KAT6B: variants seen among roughly 807,000 people sequenced by gnomAD.
KAT6B encodes lysine acetyltransferase 6B.
In KAT6B, 10 loss-of-function variants were observed where a neutral mutation model predicts 187.5. That is an observed-to-expected ratio of 0.05 (90% CI 0.03 to 0.09). KAT6B has a LOEUF of 0.09. KAT6B is among the 10% of genes least tolerant of loss of function. KAT6B has a pLI of 1.00. For missense variants in KAT6B, 1,952 were observed against 2,558.9 expected (o/e 0.76, Z 5.12); for synonymous variants, 861 against 926.8 (o/e 0.93, Z 1.29).
chr10:74,877,129 C>G lies in KAT6B; in HGVS notation c.621+33651C>G, dbSNP rs550252356. ...TACAGGCATGCGCCACCACGCCTGG[C>G]TAATTTTTGTATTTTTAGTGGAGAC... On this transcript the variant is annotated intron_variant, in intron 3 of 17. Transcript: ENST00000287239. 2.2e-4 allele frequency among the ~76,000 whole-genome samples: 33 copies of G among 152,032 alleles called. No homozygotes were observed. In the East Asian group the frequency reaches 4.3e-3, roughly 20 times the overall value.
chr10:74,922,748 A>G (rs1375568809), intron 3 of KAT6B, among the ~76,000 whole-genome samples: 1 of 152,230 alleles, frequency 6.6e-6, no homozygotes, highest in Non-Finnish European at 1.5e-5. Context: ...TAAAGGTATT[A>G]CAGGCCCCAT....
chr10:74,962,078 T>C (rs898697152), intron 4 of KAT6B, among the ~76,000 whole-genome samples: 3 of 152,204 alleles, frequency 2.0e-5, no homozygotes, highest in African/African-American at 7.2e-5. Context: ...GGCTCTAGTG[T>C]TGAAGTTCAC....
Position 74,944,808 on chromosome 10 carries a change from C to CAAAAAAAA in KAT6B, c.622-15144_622-15137dup, listed in dbSNP as rs58164194. Among the ~76,000 whole-genome samples the CAAAAAAAA allele has an allele frequency of 7.3e-4, 24 of 32,900 alleles. 1 individual carries two copies. Among genetic ancestry groups the CAAAAAAAA allele is most frequent in the Admixed American group, 3.4e-3 (9 of 2,628 alleles). The allele number at this position is 32,900 out of a possible 152,430, so 21.6% of individuals were successfully genotyped here. A position where few individuals can be genotyped will look rare whatever the true frequency, so the allele number is the denominator to read the frequency against. On this transcript the variant is annotated intron_variant, in intron 3 of 17. Transcript: ENST00000287239. ...CGGGCGACAGAGCGAGACTCCGTCT[C>CAAAAAAAA]AAAAAAAAAAAAAAAAAAAAAAAAA...
intron 1 of KAT6B, among the ~76,000 whole-genome samples, chr10:74,830,827 A>G (rs1174190185): frequency 1.0e-5 from 1 of 98,784 alleles, no homozygotes; most frequent in Non-Finnish European, 1.9e-5. Flanking sequence ...TGCTTTTGTC[A>G]CCCAGGCTGG....
chr10:75,018,884 C>T (rs769955203), intron 13 of KAT6B, among the ~76,000 whole-genome samples: 1 of 152,110 alleles, frequency 6.6e-6, no homozygotes, highest in African/African-American at 2.4e-5. Flanking sequence ...TCTCACCCCC[C>T]CAGGAGTACA....
At chr10:74,986,794 G>C (rs891028134) in intron 12 of KAT6B, among the ~76,000 whole-genome samples, 8 of 152,198 alleles carry the variant, frequency 5.3e-5, no homozygotes, top group Non-Finnish European at 1.0e-4. Context: ...AAGAATAGTG[G>C]TTGCGTCCTT....
intron 6 of KAT6B, among the ~76,000 whole-genome samples, chr10:74,970,380 C>G (rs2133662909): frequency 6.6e-6 from 1 of 152,084 alleles, no homozygotes; most frequent in Non-Finnish European, 1.5e-5. Flanking sequence ...AACCATTCCC[C>G]TATTAGAATA....
intron 6 of KAT6B, among the ~76,000 whole-genome samples, chr10:74,970,460 C>CACTCTTAACAA (rs1292087358): frequency 6.6e-6 from 1 of 151,986 alleles, no homozygotes; most frequent in Non-Finnish European, 1.5e-5. Flanking sequence ...AAGAGCTTAA[C>CACTCTTAACAA]AAATTTTATA....
intron 17 of KAT6B, 129 bp from the exon 18 acceptor site, chr10:75,028,360 C>T (rs1846030984): frequency 7.4e-7 from 1 of 1,349,840 alleles, no homozygotes; most frequent in East Asian, 2.3e-5. Flanking sequence ...ATGTCTTTAC[C>T]ATCAACTTTT....
rs531919011 is a variant in KAT6B at position 74,949,530 on chromosome 10, A to G, written c.622-10440A>G. Among the ~76,000 whole-genome samples the G allele has an allele frequency of 7.2e-5, 11 of 152,362 alleles. No individual in the cohort carries two copies. In the South Asian group the frequency reaches 2.3e-3, roughly 32 times the overall value. ...AGATTTGTTTCCTTCCAATAGAATC[A>G]CTTTCCTTAATCAGCACTTTTATAA... On this transcript the variant is annotated intron_variant, in intron 3 of 17. Transcript: ENST00000287239.
intron 2 of KAT6B, among the ~76,000 whole-genome samples, chr10:74,839,096 T>C (rs1004655176): frequency 6.7e-6 from 1 of 150,132 alleles, no homozygotes; most frequent in Non-Finnish European, 1.5e-5. Context: ...GAGATTGCAG[T>C]GAGCCGAGAT....
intron 3 of KAT6B, among the ~76,000 whole-genome samples, chr10:74,910,993 A>T (rs568897344): frequency 5.1e-4 from 77 of 152,308 alleles, no homozygotes; most frequent in Admixed American, 3.9e-3. Context: ...AATATATTTT[A>T]AAAAATGTAT....
chr10:75,023,198 A>G (rs574239592), intron 16 of KAT6B, among the ~76,000 whole-genome samples: 15 of 152,308 alleles, frequency 9.8e-5, no homozygotes, highest in South Asian at 2.1e-4. Flanking sequence ...TGTCTTCAGT[A>G]TCTATCTGGG....
intron 1 of KAT6B, among the ~76,000 whole-genome samples, chr10:74,837,443 A>G (rs1383135773): frequency 6.6e-6 from 1 of 152,218 alleles, no homozygotes; most frequent in African/African-American, 2.4e-5. Flanking sequence ...TATAGAAAAA[A>G]AATGAAAAGA....
chr10:74,989,861 T>A (rs1418593879), intron 13 of KAT6B, among the ~76,000 whole-genome samples: 1 of 152,096 alleles, frequency 6.6e-6, no homozygotes, highest in African/African-American at 2.4e-5. Flanking sequence ...GATAACATGA[T>A]GACCAGATAA....
At chr10:74,986,381 T>C (rs1842811163) in intron 12 of KAT6B, among the ~76,000 whole-genome samples, 1 of 152,250 alleles carries the variant, frequency 6.6e-6, no homozygotes, top group African/African-American at 2.4e-5. Context: ...TTATTTATGA[T>C]ATTTTTTTAT....
chr10:74,877,742 T>A (rs146465245), intron 3 of KAT6B, among the ~76,000 whole-genome samples: 21 of 152,332 alleles, frequency 1.4e-4, no homozygotes, highest in African/African-American at 5.1e-4. Flanking sequence ...AAATTCTTAT[T>A]GTCAAATAAA....
intron 4 of KAT6B, among the ~76,000 whole-genome samples, chr10:74,962,042 C>CT (rs1484997656): frequency 1.3e-5 from 2 of 152,136 alleles, no homozygotes. Context: ...CCTCAGAGTG[C>CT]TTCTCTGGAC....
rs184450627 is a variant in KAT6B at position 74,934,047 on chromosome 10, G to A, written c.622-25923G>A. Among the ~76,000 whole-genome samples, 11 of 152,074 alleles carry A rather than the reference G, an allele frequency of 7.2e-5. No individual in the cohort carries two copies. The East Asian group carries it at 1.4e-3, about 19-fold the overall frequency. Reference sequence around the variant, plus strand: ...CAAAAAATAGAAAAATTAGCTGGGCGTGGTGGCAGGTACCTATAATCCCAG... The same window carrying A: ...CAAAAAATAGAAAAATTAGCTGGGCATGGTGGCAGGTACCTATAATCCCAG... On this transcript the variant is annotated intron_variant, in intron 3 of 17. Coordinates refer to ENST00000287239, the MANE Select transcript of KAT6B (RefSeq NM_012330.4).
Sources: allele counts gnomAD v4.1 joint callset (sites outside exome capture counted in the v4.1 genomes callset), GRCh38; gene constraint gnomAD v4.1.1; transcripts MANE v1.5; gene names NCBI Gene and HGNC (gene_info 2026-07-23, HGNC 2026-07-21).